Variants in CD200R1 observed in about 807,000 individuals in gnomAD.
The protein encoded by CD200R1 is CD200 receptor 1.
A neutral mutation model predicts 38.1 loss-of-function variants in CD200R1; 30 were observed. The ratio of observed to expected loss-of-function variants is 0.79; its 90% CI spans 0.59 to 1.07. The LOEUF is 1.07. CD200R1 is among the 50% of genes least tolerant of loss of function. The pLI is 0.00. For missense variants in CD200R1, 372 were observed against 415.4 expected (o/e 0.90, Z 0.91); for synonymous variants, 128 against 152.1 (o/e 0.84, Z 1.16).
In CD200R1 at chr3:112,975,015, C is replaced by A; in HGVS notation, c.-158G>T. 1.6e-6 allele frequency: 1 copy of A among 627,912 alleles called. No individual in the cohort carries two copies. The highest frequency in any genetic ancestry group is 2.8e-6 in the Non-Finnish European group (1 of 351,180). 38.9% of individuals were successfully genotyped at this position (627,912 alleles called of 1,614,324 possible). A position where few individuals can be genotyped will look rare whatever the true frequency, so the allele number is the denominator to read the frequency against. ...GCACTCCCTTCCTTCTAGCCCCTTCCTTCACGTCTATGTGGTTTAGCCTGG... is the reference window on the plus strand; with the variant it reads ...GCACTCCCTTCCTTCTAGCCCCTTCATTCACGTCTATGTGGTTTAGCCTGG... On this transcript the variant is annotated 5_prime_UTR_variant, in exon 1 of 8. It adds an upstream start codon to the 5' untranslated region. Coordinates refer to ENST00000308611, the MANE Select transcript of CD200R1 (RefSeq NM_138806.4).
chr3:112,952,684 C>T (rs1467045623), intron 1 of CD200R1, among the ~76,000 whole-genome samples: 3 of 151,980 alleles, frequency 2.0e-5, no homozygotes, highest in Non-Finnish European at 4.4e-5. Context: ...ATACCTAATG[C>T]TACATGACGA....
intron 2 of CD200R1, among the ~76,000 whole-genome samples, chr3:112,934,508 AG>A (rs1940530752): frequency 6.6e-6 from 1 of 152,170 alleles, no homozygotes; most frequent in Admixed American, 6.5e-5. Flanking sequence ...CCCAATTAAA[AG>A]ATATAGACTG....
intron 2 of CD200R1, among the ~76,000 whole-genome samples, chr3:112,943,426 A>G (rs112646600): frequency 1.6e-3 from 240 of 151,918 alleles, no homozygotes; most frequent in African/African-American, 5.4e-3. Flanking sequence ...ATATTTTTAA[A>G]TAAATGAAAA....
chr3:112,945,515 A>C (rs1335967935), intron 2 of CD200R1, among the ~76,000 whole-genome samples: 1 of 152,198 alleles, frequency 6.6e-6, no homozygotes, highest in Non-Finnish European at 1.5e-5. Context: ...AAATAAATTA[A>C]ATCTAGATAC....
At chr3:112,927,321 G>A (rs1026249652) in intron 5 of CD200R1, among the ~76,000 whole-genome samples, 1 of 152,146 alleles carries the variant, frequency 6.6e-6, no homozygotes, top group Non-Finnish European at 1.5e-5. Flanking sequence ...TCCAAGGCCA[G>A]AAACTGCTGA....
intron 1 of CD200R1, among the ~76,000 whole-genome samples, chr3:112,968,344 A>G (rs1425744452): frequency 6.6e-6 from 1 of 152,218 alleles, no homozygotes; most frequent in Non-Finnish European, 1.5e-5. Context: ...AAATACAATA[A>G]TATTTTAAAA....
Position 112,929,514 on chromosome 3 carries a change from A to C in CD200R1, c.203-7T>G. 1.9e-6 allele frequency: 3 copies of C among 1,592,376 alleles called. No homozygotes were observed. Among genetic ancestry groups the C allele is most frequent in the Non-Finnish European group, 2.6e-6 (3 of 1,171,622 alleles). ...ACAGGCCATGAAGTGTTAACTGGAC[A>C]TGAAAAGAGAATGATAAAAGAAAAG... On this transcript the variant is annotated splice_polypyrimidine_tract_variant and splice_region_variant and intron_variant, in intron 3 of 7. Transcript: ENST00000308611.
chr3:112,951,786 CAA>C (rs60188199), intron 1 of CD200R1, among the ~76,000 whole-genome samples: 1 of 133,668 alleles, frequency 7.5e-6, no homozygotes, highest in Admixed American at 7.5e-5. Context: ...TACAATAATG[CAA>C]AAAAAAAAGC....
intron 1 of CD200R1, among the ~76,000 whole-genome samples, chr3:112,955,434 T>A (rs1941073536): frequency 6.6e-6 from 1 of 152,138 alleles, no homozygotes; most frequent in Admixed American, 6.5e-5. Context: ...TACATATATA[T>A]ATTTACAATT....
At chr3:112,934,818 G>A (rs983009107) in intron 2 of CD200R1, among the ~76,000 whole-genome samples, 5 of 151,940 alleles carry the variant, frequency 3.3e-5, no homozygotes, top group African/African-American at 7.3e-5. Flanking sequence ...TGACAAGAGC[G>A]AAACTCCATC....
chr3:112,932,424 G>A (rs1372360511), intron 2 of CD200R1, among the ~76,000 whole-genome samples: 1 of 152,074 alleles, frequency 6.6e-6, no homozygotes, highest in Admixed American at 6.5e-5. Context: ...CTCTCCTGAA[G>A]GGGAGAGGAC....
chr3:112,930,964 A>G, intron 3 of CD200R1, 142 bp downstream of exon 3: 2 of 586,000 alleles, frequency 3.4e-6, no homozygotes, highest in Non-Finnish European at 6.2e-6. Context: ...GTCATTCAGG[A>G]TCCCTCATAC....
intron 1 of CD200R1, among the ~76,000 whole-genome samples, chr3:112,950,205 G>C (rs1268562199): frequency 2.0e-5 from 3 of 152,018 alleles, no homozygotes; most frequent in Non-Finnish European, 4.4e-5. Flanking sequence ...TTTATAGTGA[G>C]GAAGAAAGAA....
intron 1 of CD200R1, among the ~76,000 whole-genome samples, chr3:112,964,975 T>C (rs1933119986): frequency 6.6e-6 from 1 of 152,198 alleles, no homozygotes; most frequent in South Asian, 2.1e-4. Context: ...CAAGCTCTCT[T>C]CTCTTGTCTG....
chr3:112,968,969 T>C (rs1053314988), intron 1 of CD200R1, among the ~76,000 whole-genome samples: 18 of 152,050 alleles, frequency 1.2e-4, no homozygotes, highest in Admixed American at 1.1e-3. Context: ...TAGGAGAAAA[T>C]ACATTAAGGG....
intron 1 of CD200R1, among the ~76,000 whole-genome samples, chr3:112,950,402 GAA>G (rs59937779): frequency 2.4e-5 from 2 of 83,528 alleles, no homozygotes; most frequent in Non-Finnish European, 2.4e-5. Flanking sequence ...CTCCGTCAAA[GAA>G]AAAAAAAAAA....
intron 2 of CD200R1, among the ~76,000 whole-genome samples, chr3:112,933,653 T>C (rs1194430654): frequency 2.6e-5 from 4 of 151,898 alleles, no homozygotes; most frequent in African/African-American, 9.7e-5. Context: ...TAAGGCAATA[T>C]ATGAAATGCC....
chr3:112,928,536 A>G (rs1940332589), intron 5 of CD200R1, among the ~76,000 whole-genome samples: 2 of 152,050 alleles, frequency 1.3e-5, no homozygotes, highest in Non-Finnish European at 2.9e-5. Flanking sequence ...TCAATAAGCC[A>G]TAAGTATTAT....
In CD200R1 at chr3:112,922,973, T is replaced by C. The variant is rs1474421852; in HGVS notation, c.*704A>G. 6.6e-6 allele frequency: 1 copy of C among 151,870 alleles called. No homozygotes were observed. The highest frequency in any genetic ancestry group is 1.5e-5 in the Non-Finnish European group (1 of 67,848). The allele number at this position is 151,870 out of a possible 1,614,324, so 9.4% of individuals were successfully genotyped here. A position where few individuals can be genotyped will look rare whatever the true frequency, so the allele number is the denominator to read the frequency against. On this transcript the variant is annotated 3_prime_UTR_variant, in exon 8 of 8. Transcript: ENST00000308611. ...AGATATACTCAAAAACAAAGAGATA[T>C]ATGCACAAGAAACATTCTATGTGGT...
Sources: gnomAD v4.1 joint callset for allele counts (sites outside exome capture counted in the v4.1 genomes callset) on GRCh38, gnomAD v4.1.1 for gene constraint, MANE v1.5 for transcripts, NCBI Gene and HGNC (gene_info 2026-07-23, HGNC 2026-07-21) for gene names.